ZNF804A: variants seen among roughly 807,000 people sequenced by gnomAD.
ZNF804A encodes zinc finger protein 804A.
In ZNF804A, 2 loss-of-function variants were observed where a neutral mutation model predicts 16.5. That is an observed-to-expected ratio of 0.12 (90% CI 0.05 to 0.38). The LOEUF (loss-of-function observed/expected upper bound fraction) is 0.38. Ranked by LOEUF, ZNF804A falls within the 10% of genes least tolerant of loss-of-function variation. ZNF804A has a pLI of 0.99. For missense variants in ZNF804A, 1,473 were observed against 1,390.7 expected (o/e 1.06, Z -0.94); for synonymous variants, 534 against 489.6 (o/e 1.09, Z -1.20).
chr2:184,889,503 C>T (rs1443263719), intron 2 of ZNF804A, among the ~76,000 whole-genome samples: 1 of 151,598 alleles, frequency 6.6e-6, no homozygotes, highest in Admixed American at 6.6e-5. Context: ...ATAACACTTG[C>T]CTGCATGTTC....
chr2:184,826,680 A>G (rs1695173752), intron 1 of ZNF804A, among the ~76,000 whole-genome samples: 1 of 152,040 alleles, frequency 6.6e-6, no homozygotes, highest in African/African-American at 2.4e-5. Context: ...CATACTTGAA[A>G]CCTCAGTTGA....
At chr2:184,879,599 G>T (rs141769512) in intron 2 of ZNF804A, among the ~76,000 whole-genome samples, 55 of 152,000 alleles carry the variant, frequency 3.6e-4, no homozygotes, top group African/African-American at 1.3e-3. Flanking sequence ...TAGGAATATA[G>T]GAAGGTGAAA....
intron 1 of ZNF804A, among the ~76,000 whole-genome samples, chr2:184,719,293 T>G (rs887757264): frequency 1.3e-5 from 2 of 151,982 alleles, no homozygotes; most frequent in African/African-American, 4.8e-5. Context: ...CCATTTTTTT[T>G]TTCTCTTACA....
chr2:184,681,081 G>A (rs913140219), intron 1 of ZNF804A, among the ~76,000 whole-genome samples: 2 of 152,222 alleles, frequency 1.3e-5, no homozygotes, highest in East Asian at 3.9e-4. Context: ...TTGCTGCTAT[G>A]TTCCTGGCTT....
At chr2:184,803,892 T>G (rs1002309705) in intron 1 of ZNF804A, among the ~76,000 whole-genome samples, 1 of 151,912 alleles carries the variant, frequency 6.6e-6, no homozygotes, top group African/African-American at 2.4e-5. Flanking sequence ...TGATGGAGTC[T>G]CACTCTGTCA....
chr2:184,739,950 A>AG (rs1180446034), intron 1 of ZNF804A, among the ~76,000 whole-genome samples: 8 of 152,352 alleles, frequency 5.3e-5, no homozygotes, highest in African/African-American at 1.9e-4. Context: ...CTTCAAAAAA[A>AG]TTAACTCAGT....
intron 1 of ZNF804A, among the ~76,000 whole-genome samples, chr2:184,857,837 A>G (rs1257295421): frequency 6.6e-6 from 1 of 152,084 alleles, no homozygotes; most frequent in South Asian, 2.1e-4. Context: ...TTCAGCCTCT[A>G]TGTGTCTTTA....
Position 184,700,843 on chromosome 2 carries a change from A to G in ZNF804A, c.111+101773A>G, listed in dbSNP as rs116477822. Among the ~76,000 whole-genome samples, 1,373 of 152,136 alleles carry G rather than the reference A, an allele frequency of 9.0e-3. 22 individuals are homozygous for G. Among genetic ancestry groups the G allele is most frequent in the African/African-American group, 0.032 (1,313 of 41,564 alleles). ...GTGTATTATTTGGAAATGACCCTCC[A>G]TTGTTAAGATGAAAGGGTGAAGAAG... On this transcript the variant is annotated intron_variant, in intron 1 of 3. Coordinates refer to ENST00000302277, the MANE Select transcript of ZNF804A (RefSeq NM_194250.2).
intron 1 of ZNF804A, among the ~76,000 whole-genome samples, chr2:184,799,190 A>C (rs533228788): frequency 3.2e-4 from 49 of 152,090 alleles, no homozygotes; most frequent in Middle Eastern, 3.4e-3. Flanking sequence ...TTGTTCTTGC[A>C]TCAATATGGA....
chr2:184,647,146 C>T lies in ZNF804A; in HGVS notation c.111+48076C>T, dbSNP rs574045215. On this transcript the variant is annotated intron_variant, in intron 1 of 3. Coordinates refer to ENST00000302277, the MANE Select transcript of ZNF804A (RefSeq NM_194250.2). ...TAGAAGTTAAGCCAAAACAGCCTAC[C>T]CAGTATTCACTATAGTTGCACCCCT... Among the ~76,000 whole-genome samples the T allele has an allele frequency of 3.9e-5, 6 of 152,232 alleles. No homozygotes were observed. In the East Asian group the frequency reaches 7.7e-4, roughly 20 times the overall value.
chr2:184,855,477 CTT>C (rs1558983301), intron 1 of ZNF804A, among the ~76,000 whole-genome samples: 1 of 151,898 alleles, frequency 6.6e-6, no homozygotes, highest in East Asian at 1.9e-4. Flanking sequence ...TCAAACATAA[CTT>C]TTATAGCATG....
At chr2:184,715,243 A>G (rs1372937885) in intron 1 of ZNF804A, among the ~76,000 whole-genome samples, 1 of 152,194 alleles carries the variant, frequency 6.6e-6, no homozygotes, top group South Asian at 2.1e-4. Flanking sequence ...AATGAGGACT[A>G]GGTGACACAG....
intron 1 of ZNF804A, among the ~76,000 whole-genome samples, chr2:184,851,870 A>C (rs1355375425): frequency 6.6e-6 from 1 of 151,726 alleles, no homozygotes; most frequent in East Asian, 1.9e-4. Flanking sequence ...TTTTGCTAAC[A>C]GACATCCTAA....
chr2:184,736,341 A>T (rs1465504743), intron 1 of ZNF804A, among the ~76,000 whole-genome samples: 1 of 152,222 alleles, frequency 6.6e-6, no homozygotes, highest in Non-Finnish European at 1.5e-5. Context: ...CCATTATTTT[A>T]TTAAAATATG....
At chr2:184,717,176 A>G (rs1017452721) in intron 1 of ZNF804A, among the ~76,000 whole-genome samples, 2 of 152,164 alleles carry the variant, frequency 1.3e-5, no homozygotes, top group East Asian at 1.9e-4. Flanking sequence ...ATAAATTACT[A>G]TGCTTCTTAA....
chr2:184,815,536 A>C (rs2105788621), intron 1 of ZNF804A, among the ~76,000 whole-genome samples: 1 of 151,962 alleles, frequency 6.6e-6, no homozygotes, highest in South Asian at 2.1e-4. Context: ...ACTTGATTTT[A>C]TTTTCATGAT....
At chr2:184,794,989 C>G (rs1479283650) in intron 1 of ZNF804A, among the ~76,000 whole-genome samples, 1 of 152,086 alleles carries the variant, frequency 6.6e-6, no homozygotes, top group Non-Finnish European at 1.5e-5. Flanking sequence ...CTTCAGTACT[C>G]CACTGACAGC....
intron 1 of ZNF804A, among the ~76,000 whole-genome samples, chr2:184,713,898 A>G (rs1033284532): frequency 7.2e-5 from 11 of 152,036 alleles, no homozygotes; most frequent in South Asian, 4.1e-4. Flanking sequence ...GGTTTGTTGC[A>G]TATACAAAAT....
chr2:184,875,039 T>C (rs549680973), intron 2 of ZNF804A, among the ~76,000 whole-genome samples: 2 of 152,210 alleles, frequency 1.3e-5, no homozygotes, highest in Non-Finnish European at 2.9e-5. Context: ...ACTGTCCTGA[T>C]TTAATTATGA....
Sources: allele counts gnomAD v4.1 joint callset (sites outside exome capture counted in the v4.1 genomes callset), GRCh38; gene constraint gnomAD v4.1.1; transcripts MANE v1.5; gene names NCBI Gene and HGNC (gene_info 2026-07-23, HGNC 2026-07-21).